NLGN1: variants seen among roughly 807,000 people sequenced by gnomAD.
NLGN1 encodes the protein neuroligin 1.
In NLGN1, 12 loss-of-function variants were observed where a neutral mutation model predicts 65.5. That is an observed-to-expected ratio of 0.18 (90% CI 0.12 to 0.30). NLGN1 has a LOEUF of 0.30. Ranked by LOEUF, NLGN1 falls within the 10% of genes least tolerant of loss-of-function variation. The probability of loss-of-function intolerance (pLI) is 1.00; values close to 1 mark genes in which losing one functional copy is unlikely to be tolerated. For missense variants in NLGN1, 750 were observed against 1,007.1 expected, an observed-to-expected ratio of 0.74 and a Z score of 3.46; for synonymous variants, 350 against 359.5, an observed-to-expected ratio of 0.97 and a Z score of 0.30.
intron 4 of NLGN1, among the ~76,000 whole-genome samples, chr3:174,003,695 A>G (rs1482276983): frequency 6.6e-6 from 1 of 152,206 alleles, no homozygotes; most frequent in Admixed American, 6.5e-5. Flanking sequence ...TTTTAAAGAA[A>G]GATGGAAAAT....
chr3:174,224,707 A>T (rs867057188), intron 4 of NLGN1, among the ~76,000 whole-genome samples: 1 of 152,194 alleles, frequency 6.6e-6, no homozygotes, highest in Non-Finnish European at 1.5e-5. Context: ...TCAAAAAAAA[A>T]GGAAATCTAT....
chr3:173,634,503 CA>C (rs1236182361), intron 3 of NLGN1, among the ~76,000 whole-genome samples: 1 of 152,002 alleles, frequency 6.6e-6, no homozygotes, highest in Non-Finnish European at 1.5e-5. Context: ...TACCATTAAA[CA>C]ATTTCTTCTT....
intron 2 of NLGN1, among the ~76,000 whole-genome samples, chr3:173,590,124 C>T (rs2149394114): frequency 6.6e-6 from 1 of 152,144 alleles, no homozygotes; most frequent in East Asian, 1.9e-4. Context: ...TCACAATATT[C>T]ACACCTTGAA....
intron 4 of NLGN1, among the ~76,000 whole-genome samples, chr3:174,047,097 T>C (rs1224946043): frequency 6.6e-6 from 1 of 152,026 alleles, no homozygotes; most frequent in Admixed American, 6.6e-5. Context: ...ATGTTTATTA[T>C]ATTTAACTTA....
intron 2 of NLGN1, among the ~76,000 whole-genome samples, chr3:173,520,195 C>T (rs1190371702): frequency 6.6e-6 from 1 of 152,170 alleles, no homozygotes; most frequent in Non-Finnish European, 1.5e-5. Context: ...TCCTATACAG[C>T]CTGCAGATCC....
At chr3:173,725,270 CTT>C (rs1393522701) in intron 3 of NLGN1, among the ~76,000 whole-genome samples, 1 of 152,032 alleles carries the variant, frequency 6.6e-6, no homozygotes, top group Non-Finnish European at 1.5e-5. Context: ...TTTAATGTAA[CTT>C]TATTTTATAG....
chr3:173,476,356 TTG>T (rs1240012222), intron 2 of NLGN1, among the ~76,000 whole-genome samples: 17 of 152,214 alleles, frequency 1.1e-4, no homozygotes, highest in Non-Finnish European at 5.9e-5. Context: ...AAGTTTAATG[TTG>T]TAACTTTTAG....
intron 4 of NLGN1, among the ~76,000 whole-genome samples, chr3:174,189,585 T>C (rs1732010117): frequency 6.6e-6 from 1 of 152,012 alleles, no homozygotes; most frequent in Admixed American, 6.6e-5. Flanking sequence ...ATTATATATA[T>C]GTCCATCATT....
chr3:173,968,180 TTAGAA>T (rs1444600484), intron 4 of NLGN1, among the ~76,000 whole-genome samples: 1 of 152,162 alleles, frequency 6.6e-6, no homozygotes, highest in Non-Finnish European at 1.5e-5. Context: ...TTGTAGAGAT[TTAGAA>T]TAGATCTTAT....
At chr3:174,196,537 A>T (rs957895415) in intron 4 of NLGN1, among the ~76,000 whole-genome samples, 1 of 152,194 alleles carries the variant, frequency 6.6e-6, no homozygotes, top group African/African-American at 2.4e-5. Flanking sequence ...CTTTATAACC[A>T]TCTACCATGG....
chr3:173,915,797 G>A (rs908546401), intron 4 of NLGN1, among the ~76,000 whole-genome samples: 2 of 151,870 alleles, frequency 1.3e-5, no homozygotes, highest in Non-Finnish European at 2.9e-5. Flanking sequence ...AGAAAACCAT[G>A]GTACTTATAT....
intron 3 of NLGN1, among the ~76,000 whole-genome samples, chr3:173,641,094 A>G (rs1266932835): frequency 2.0e-5 from 3 of 152,296 alleles, no homozygotes; most frequent in African/African-American, 7.2e-5. Flanking sequence ...AGTATTCTTG[A>G]TAATCCTTGA....
intron 4 of NLGN1, among the ~76,000 whole-genome samples, chr3:174,111,877 T>G (rs890454012): frequency 6.6e-6 from 1 of 151,968 alleles, no homozygotes; most frequent in African/African-American, 2.4e-5. Context: ...AGGGCTAAGT[T>G]CCATGCATAT....
intron 4 of NLGN1, among the ~76,000 whole-genome samples, chr3:174,219,567 C>T (rs1455594541): frequency 6.6e-6 from 1 of 152,100 alleles, no homozygotes; most frequent in East Asian, 1.9e-4. Flanking sequence ...ACCTGCTAAG[C>T]TTAGAGAACT....
In NLGN1 at chr3:173,441,110, C is replaced by G. The variant is rs9883571; in HGVS notation, c.-321+6032C>G. Among the ~76,000 whole-genome samples the G allele has an allele frequency of 2.6e-5, 4 of 152,212 alleles. No individual in the cohort carries two copies. The South Asian group carries it at 6.2e-4, about 24-fold the overall frequency. On this transcript the variant is annotated intron_variant, in intron 2 of 6. Coordinates refer to ENST00000457714, the Ensembl canonical transcript of NLGN1. The stretch of plus-strand genomic sequence containing the variant: ...TCTCTGCTAGCTTCCAGCTTTCCTT[C>G]TGTAGTCTCCTAACCTCTCTCAGCC...
chr3:174,095,969 C>T (rs1745447040), intron 4 of NLGN1, among the ~76,000 whole-genome samples: 1 of 151,778 alleles, frequency 6.6e-6, no homozygotes. Context: ...CACTGCACTC[C>T]AGCCTGGGTG....
chr3:173,721,948 A>AT (rs1485341966), intron 3 of NLGN1, among the ~76,000 whole-genome samples: 1 of 151,562 alleles, frequency 6.6e-6, no homozygotes, highest in Non-Finnish European at 1.5e-5. Context: ...CTCGTAAAAA[A>AT]AAAAAGGGAC....
intron 4 of NLGN1, among the ~76,000 whole-genome samples, chr3:174,231,761 A>G (rs1360435079): frequency 6.6e-6 from 1 of 152,072 alleles, no homozygotes; most frequent in Non-Finnish European, 1.5e-5. Flanking sequence ...CTCCCAAGTC[A>G]CGCCAGCCTA....
chr3:174,282,967 C>T (rs1284386593), exon 7 of NLGN1: 1 of 151,934 alleles, frequency 6.6e-6, no homozygotes, highest in Admixed American at 6.6e-5. Flanking sequence ...TTGTATACTA[C>T]TTGATGGAAC....
Sources: allele counts gnomAD v4.1 joint callset (sites outside exome capture counted in the v4.1 genomes callset), GRCh38; gene constraint gnomAD v4.1.1; transcripts MANE v1.5; gene names NCBI Gene and HGNC (gene_info 2026-07-23, HGNC 2026-07-21).